Variants in DOCK10 observed in about 807,000 individuals in gnomAD.
The protein encoded by DOCK10 is dedicator of cytokinesis 10.
DOCK10 carries 145 observed loss-of-function variants against 280.1 expected under a neutral mutation model. The ratio of observed to expected loss-of-function variants is 0.52; its 90% CI spans 0.45 to 0.59. The LOEUF (loss-of-function observed/expected upper bound fraction) is 0.59. DOCK10 is among the 20% of genes least tolerant of loss of function. The pLI, the probability that DOCK10 is intolerant of heterozygous loss-of-function variation, is 0.00. For synonymous variants in DOCK10, 915 were observed against 942.2 expected, an observed-to-expected ratio of 0.97 and a Z score of 0.53; for missense variants, 2,368 against 2,651.7, an observed-to-expected ratio of 0.89 and a Z score of 2.35.
In DOCK10 at chr2:225,042,323, GC is replaced by G; in HGVS notation, c.51del (p.Gln18ArgfsTer106). ...GCGCTGTGCCGGAGCTCGGCCGCCT[GC>G]CCAGGTCTCAACAGGCTCCGGGTGA... ...RRFTRSLLRP[G>X]QAAELRHSAA... On this transcript the variant is annotated frameshift_variant, in exon 1 of 56. Transcript: ENST00000258390. LOFTEE classifies it high-confidence loss of function. The surrounding 1 kb of genome is among the most constrained non-coding windows in gnomAD (Gnocchi z 5.1). 3 of 1,353,948 alleles carry G rather than the reference GC, an allele frequency of 2.2e-6. No homozygotes were observed. The highest frequency in any genetic ancestry group is 1.9e-6 in the Non-Finnish European group (2 of 1,049,744). The allele number at this position is 1,353,948 out of a possible 1,614,324, so 83.9% of individuals were successfully genotyped here.
chr2:224,989,796 T>C (rs1461609723), intron 1 of DOCK10, among the ~76,000 whole-genome samples: 1 of 152,176 alleles, frequency 6.6e-6, no homozygotes, highest in Non-Finnish European at 1.5e-5. Context: ...TTTATCAAGT[T>C]GCATCTCTGC....
intron 1 of DOCK10, among the ~76,000 whole-genome samples, chr2:225,003,070 C>T (rs1706481774): frequency 1.3e-5 from 2 of 152,086 alleles, no homozygotes; most frequent in Admixed American, 1.3e-4. Context: ...ATTTTAGAGA[C>T]AGGGTCTCAC....
At chr2:224,914,132 A>G (rs541044065) in intron 3 of DOCK10, among the ~76,000 whole-genome samples, 2 of 152,318 alleles carry the variant, frequency 1.3e-5, no homozygotes, top group African/African-American at 2.4e-5. Context: ...TTTTCTTCCA[A>G]AATGGATAGT....
chr2:224,977,686 G>C (rs1238655589), intron 1 of DOCK10, among the ~76,000 whole-genome samples: 1 of 152,136 alleles, frequency 6.6e-6, no homozygotes, highest in Non-Finnish European at 1.5e-5. Context: ...CGTTAAACTT[G>C]ACTGCATCGT....
At chr2:225,007,940 G>A (rs1689320896) in intron 1 of DOCK10, among the ~76,000 whole-genome samples, 1 of 151,936 alleles carries the variant, frequency 6.6e-6, no homozygotes, top group African/African-American at 2.4e-5. Flanking sequence ...TTTAAGAAAT[G>A]CTGCTATCAT....
rs1180391837 is a variant in DOCK10 at position 225,018,605 on chromosome 2, TAA to T, written c.123+23645_123+23646del. Among the ~76,000 whole-genome samples the T allele has an allele frequency of 3.6e-4, 4 of 11,226 alleles. 2 individuals are homozygous for T. Among genetic ancestry groups the T allele is most frequent in the African/African-American group, 1.5e-3 (4 of 2,628 alleles). The allele number at this position is 11,226 out of a possible 152,430, so 7.4% of individuals were successfully genotyped here. A position where few individuals can be genotyped will look rare whatever the true frequency, so the allele number is the denominator to read the frequency against. On this transcript the variant is annotated intron_variant, in intron 1 of 55. Transcript: ENST00000258390. ...ATATATATGTAATATTATATATATA[TAA>T]TATATATGTAATATTATATATATAA... is the stretch of plus-strand genomic sequence containing the variant.
Position 224,797,014 on chromosome 2 carries a change from T to C in DOCK10, c.4777A>G (p.Lys1593Glu). ...TTCTGCTTGTTAAATTCAAAATTCT[T>C]CCTCATGAAAAAGTACAGAAGGGCT... ...ASALLYFFMR[K>E]NFEFNKQKSI... Residue 1593 changes from lysine (K) to glutamate (E), a missense_variant, in exon 43 of 56, where the codon AAG becomes GAG. Lys to Glu is a moderately conservative substitution (Grantham distance 56). Transcript: ENST00000258390. 6.2e-7 allele frequency: 1 copy of C among 1,613,458 alleles called. No homozygotes were observed. Among genetic ancestry groups the C allele is most frequent in the Non-Finnish European group, 8.5e-7 (1 of 1,179,674 alleles).
intron 29 of DOCK10, 74 bp downstream of exon 29, chr2:224,819,372 T>C: frequency 1.0e-6 from 1 of 962,226 alleles, no homozygotes; most frequent in Non-Finnish European, 1.6e-6. Flanking sequence ...CTTAAGCAGG[T>C]ATCCACAGAG....
At chr2:225,028,010 T>G (rs922830416) in intron 1 of DOCK10, among the ~76,000 whole-genome samples, 1 of 152,234 alleles carries the variant, frequency 6.6e-6, no homozygotes. Context: ...GAGTTAGTCC[T>G]TTTAATCTTT....
intron 2 of DOCK10, among the ~76,000 whole-genome samples, chr2:224,917,101 C>CTTTTTTTT (rs58223345): frequency 0.052 from 4,947 of 95,260 alleles, 795 homozygotes; most frequent in Non-Finnish European, 0.058. Context: ...CTATTGGAAT[C>CTTTTTTTT]TTTTTTTTTT....
intron 14 of DOCK10, 26 bp from the exon 15 acceptor site, chr2:224,857,008 G>T: frequency 6.4e-7 from 1 of 1,570,810 alleles, no homozygotes; most frequent in Admixed American, 1.8e-5. Context: ...TATTCAGGTT[G>T]GTAGTTGGAT....
At chr2:224,898,720 G>A (rs1700129181) in intron 3 of DOCK10, among the ~76,000 whole-genome samples, 1 of 152,168 alleles carries the variant, frequency 6.6e-6, no homozygotes, top group African/African-American at 2.4e-5. Context: ...AGGACTACAG[G>A]TGCCCGCCAC....
At chr2:224,796,811 C>G (rs976084712) in intron 43 of DOCK10, among the ~76,000 whole-genome samples, 153 bp downstream of exon 43, 5 of 152,150 alleles carry the variant, frequency 3.3e-5, no homozygotes, top group Non-Finnish European at 1.5e-5. Context: ...TGTGCCCCTA[C>G]TATTAAACAG....
In DOCK10 at chr2:224,970,219, T is replaced by G. The variant is rs1000243514; in HGVS notation, c.124-38551A>C. Among the ~76,000 whole-genome samples, 1 of 152,238 alleles carries G rather than the reference T, an allele frequency of 6.6e-6. No homozygotes were observed. Among genetic ancestry groups the G allele is most frequent in the African/African-American group, 2.4e-5 (1 of 41,474 alleles). ...GAAGTAATTACTTAAATTTCTATGATGCAGGTGGGCAGCAGGTATTTTCCT... is the reference window on the plus strand; with the variant it reads ...GAAGTAATTACTTAAATTTCTATGAGGCAGGTGGGCAGCAGGTATTTTCCT... On this transcript the variant is annotated intron_variant, in intron 1 of 55. Coordinates refer to ENST00000258390, the MANE Select transcript of DOCK10 (RefSeq NM_014689.3). The surrounding 1 kb of genome is among the most constrained non-coding windows in gnomAD (Gnocchi z 4.6).
At chr2:225,007,288 G>T (rs1002461090) in intron 1 of DOCK10, among the ~76,000 whole-genome samples, 1 of 152,158 alleles carries the variant, frequency 6.6e-6, no homozygotes, top group South Asian at 2.1e-4. Context: ...CCAGAAGGTG[G>T]TTTCTAGCAG....
intron 11 of DOCK10, among the ~76,000 whole-genome samples, chr2:224,865,853 T>A (rs1455487921): frequency 1.0e-4 from 15 of 145,546 alleles, no homozygotes; most frequent in African/African-American, 4.2e-4. Flanking sequence ...TCTCTCTCTC[T>A]CTCACACACA....
At chr2:224,848,937 ATCCCAGC>A (rs1696540954) in intron 19 of DOCK10, among the ~76,000 whole-genome samples, 2 of 152,234 alleles carry the variant, frequency 1.3e-5, no homozygotes, top group Admixed American at 1.3e-4. Context: ...GACAAGATAT[ATCCCAGC>A]ACTAAAAGCA....
At chr2:224,848,465 T>G (rs1358584755) in intron 19 of DOCK10, among the ~76,000 whole-genome samples, 1 of 152,228 alleles carries the variant, frequency 6.6e-6, no homozygotes, top group Non-Finnish European at 1.5e-5. Context: ...ACTTTCTATG[T>G]GTTAGAGCAG....
intron 1 of DOCK10, among the ~76,000 whole-genome samples, chr2:225,026,736 A>G (rs1286677534): frequency 1.3e-5 from 2 of 152,150 alleles, no homozygotes; most frequent in Non-Finnish European, 2.9e-5. Flanking sequence ...GATGTGTGAA[A>G]GGGTGAAATC....
Sources: allele counts gnomAD v4.1 joint callset (sites outside exome capture counted in the v4.1 genomes callset), GRCh38; gene constraint gnomAD v4.1.1; non-coding constraint Gnocchi (gnomAD v3.1); transcripts MANE v1.5; gene names NCBI Gene and HGNC (gene_info 2026-07-23, HGNC 2026-07-21).